The following CLSTN2 variants were observed in gnomAD, a reference collection of about 807,000 sequenced individuals.
CLSTN2 encodes the protein calsyntenin-2.
CLSTN2 carries 48 observed loss-of-function variants against 101.2 expected under a neutral mutation model. That is an observed-to-expected ratio of 0.47 (90% CI 0.38 to 0.60). CLSTN2 has a LOEUF of 0.60. Among genes scored for constraint, CLSTN2 ranks in the 20% least tolerant of loss-of-function variants. The pLI is 0.00. For missense variants in CLSTN2, 1,160 were observed against 1,238.2 expected (o/e 0.94, Z 0.95); for synonymous variants, 481 against 463.6 (o/e 1.04, Z -0.48).
intron 1 of CLSTN2, among the ~76,000 whole-genome samples, chr3:140,169,697 CT>C (rs1172060429): frequency 6.6e-6 from 1 of 151,994 alleles, no homozygotes; most frequent in Non-Finnish European, 1.5e-5. Flanking sequence ...TTTTAAAAGA[CT>C]TTTTTTCTCA....
intron 2 of CLSTN2, among the ~76,000 whole-genome samples, chr3:140,309,170 T>G (rs1303351239): frequency 6.6e-6 from 1 of 152,156 alleles, no homozygotes; most frequent in African/African-American, 2.4e-5. Context: ...ATTATGATCT[T>G]GACAAGTGAG....
At chr3:140,505,247 G>A (rs376299811) in intron 8 of CLSTN2, among the ~76,000 whole-genome samples, 77 of 152,222 alleles carry the variant, frequency 5.1e-4, no homozygotes, top group Middle Eastern at 3.4e-3. Flanking sequence ...TGATGTTCAT[G>A]GCATGACCCC....
At chr3:140,000,843 A>G (rs572963516) in intron 1 of CLSTN2, among the ~76,000 whole-genome samples, 4 of 152,258 alleles carry the variant, frequency 2.6e-5, no homozygotes, top group African/African-American at 7.2e-5. Context: ...AGGAAAAGCC[A>G]TTCCATGAGA....
At chr3:140,124,287 A>G (rs1052109406) in intron 1 of CLSTN2, among the ~76,000 whole-genome samples, 4 of 152,152 alleles carry the variant, frequency 2.6e-5, no homozygotes, top group Non-Finnish European at 4.4e-5. Flanking sequence ...CAGATCAAAG[A>G]AATCCTCCTA....
At chr3:140,497,214 T>C (rs901710541) in intron 8 of CLSTN2, among the ~76,000 whole-genome samples, 7 of 151,938 alleles carry the variant, frequency 4.6e-5, no homozygotes, top group Non-Finnish European at 7.4e-5. Flanking sequence ...GCCAGCAGGC[T>C]GGAAAAGCTG....
chr3:139,941,881 A>G (rs1935137354), intron 1 of CLSTN2, among the ~76,000 whole-genome samples: 1 of 152,234 alleles, frequency 6.6e-6, no homozygotes, highest in South Asian at 2.1e-4. Context: ...AGCACTTCAC[A>G]TATGTCGGTT....
intron 1 of CLSTN2, among the ~76,000 whole-genome samples, chr3:140,170,423 G>A (rs891937392): frequency 2.0e-5 from 3 of 152,172 alleles, no homozygotes; most frequent in African/African-American, 7.2e-5. Context: ...GGAAAGAAGG[G>A]AGAAAATTTG....
intron 1 of CLSTN2, among the ~76,000 whole-genome samples, chr3:140,048,624 A>G (rs1441273142): frequency 2.0e-5 from 3 of 152,186 alleles, no homozygotes; most frequent in South Asian, 2.1e-4. Context: ...GAGATTAGAT[A>G]GATTGCCTAG....
intron 1 of CLSTN2, among the ~76,000 whole-genome samples, chr3:139,994,837 C>T (rs1936175594): frequency 6.6e-6 from 1 of 152,234 alleles, no homozygotes; most frequent in Non-Finnish European, 1.5e-5. Context: ...AAAAAATTCA[C>T]AGCTGTTTCC....
At chr3:140,140,661 G>A (rs1157488383) in intron 1 of CLSTN2, among the ~76,000 whole-genome samples, 1 of 152,182 alleles carries the variant, frequency 6.6e-6, no homozygotes, top group Non-Finnish European at 1.5e-5. Context: ...TTGAGTAGGT[G>A]CAACTGTCTC....
At chr3:140,352,679 C>A (rs2087622325) in intron 2 of CLSTN2, among the ~76,000 whole-genome samples, 1 of 152,180 alleles carries the variant, frequency 6.6e-6, no homozygotes, top group African/African-American at 2.4e-5. Flanking sequence ...TCCCTTATGC[C>A]CCTGTCAGCA....
chr3:140,459,724 G>C lies in CLSTN2; in HGVS notation c.1177G>C (p.Val393Leu). Reference protein sequence around the residue: ...MWMKHGPSPGVRAEKETILCN... With the variant: ...MWMKHGPSPGLRAEKETILCN... ...GATGAAACACGGCCCCAGCCCTGGT[G>C]TGAGAGCCGAGAAGGAAACCATCCT... Residue 393 changes from valine (V) to leucine (L), a missense_variant, in exon 7 of 17, where the codon GTG (valine) becomes CTG (leucine). Physicochemically the swap from Val to Leu is conservative, Grantham distance 32. Transcript: ENST00000458420. 6.2e-7 allele frequency: 1 copy of C among 1,614,170 alleles called. No individual in the cohort carries two copies. The highest frequency in any genetic ancestry group is 8.5e-7 in the Non-Finnish European group (1 of 1,180,006).
intron 1 of CLSTN2, among the ~76,000 whole-genome samples, chr3:140,165,635 G>T (rs1234982932): frequency 1.3e-5 from 2 of 152,112 alleles, no homozygotes; most frequent in African/African-American, 4.8e-5. Flanking sequence ...CAAAGGCCTG[G>T]ATAACCTAGA....
rs1397987072 is a variant in CLSTN2 at position 140,427,207 on chromosome 3, G to GTGTGTATA, written c.787+5934_787+5935insGTGTATAT. Among the ~76,000 whole-genome samples, 22 of 84,956 alleles carry GTGTGTATA rather than the reference G, an allele frequency of 2.6e-4. 1 individual carries two copies. The highest frequency in any genetic ancestry group is 1.3e-3 in the African/African-American group (17 of 13,566). The allele number at this position is 84,956 out of a possible 152,430, so 55.7% of individuals were successfully genotyped here. The stretch of plus-strand genomic sequence containing the variant: ...AAAATATATATATATATATATATGT[G>GTGTGTATA]TATATATATATATATATGTGTGTAT... On this transcript the variant is annotated intron_variant, in intron 5 of 16. Transcript: ENST00000458420.
intron 1 of CLSTN2, among the ~76,000 whole-genome samples, chr3:140,152,920 G>A (rs2009889823): frequency 6.6e-6 from 1 of 152,192 alleles, no homozygotes; most frequent in Admixed American, 6.5e-5. Context: ...GACAGGCCCT[G>A]GAGCCAAAGT....
chr3:140,559,842 C>A (rs891807007), intron 12 of CLSTN2, among the ~76,000 whole-genome samples: 2 of 152,132 alleles, frequency 1.3e-5, no homozygotes, highest in Non-Finnish European at 2.9e-5. Context: ...AGGGGGTACT[C>A]AAGAGACAGC....
chr3:140,515,583 T>C (rs1394465612), intron 8 of CLSTN2, among the ~76,000 whole-genome samples: 3 of 152,192 alleles, frequency 2.0e-5, no homozygotes, highest in Non-Finnish European at 4.4e-5. Flanking sequence ...TATAATTCAA[T>C]TCAAAATTTT....
chr3:140,522,284 C>G (rs1270095000), intron 8 of CLSTN2, among the ~76,000 whole-genome samples: 2 of 152,200 alleles, frequency 1.3e-5, no homozygotes, highest in African/African-American at 4.8e-5. Flanking sequence ...CACTTTCATT[C>G]CTCTCTGTGA....
intron 1 of CLSTN2, among the ~76,000 whole-genome samples, chr3:140,003,438 T>C (rs1297462514): frequency 1.3e-5 from 2 of 152,202 alleles, no homozygotes; most frequent in Non-Finnish European, 2.9e-5. Context: ...TCAGTTTTAA[T>C]AGCTTTTTGT....
Sources: gnomAD v4.1 joint callset for allele counts (sites outside exome capture counted in the v4.1 genomes callset) on GRCh38, gnomAD v4.1.1 for gene constraint, MANE v1.5 for transcripts, NCBI Gene and HGNC (gene_info 2026-07-23, HGNC 2026-07-21) for gene names.